Variants in PMS1 observed in about 807,000 individuals in gnomAD.
The protein encoded by PMS1 is PMS1 protein homolog 1.
Under a neutral mutation model 93.1 loss-of-function variants are expected in PMS1, and 79 were observed. That is an observed-to-expected ratio of 0.85 (90% CI 0.71 to 1.02). PMS1 has a LOEUF of 1.02. Ranked by LOEUF, PMS1 falls within the 50% of genes least tolerant of loss-of-function variation. The pLI is 0.00. For synonymous variants in PMS1, 335 were observed against 363.4 expected, an observed-to-expected ratio of 0.92 and a Z score of 0.89; for missense variants, 1,064 against 1,085.3, an observed-to-expected ratio of 0.98 and a Z score of 0.28.
chr2:189,816,829 C>G (rs898496286), intron 4 of PMS1, among the ~76,000 whole-genome samples: 20 of 152,094 alleles, frequency 1.3e-4, no homozygotes, highest in Admixed American at 6.6e-4. Flanking sequence ...TTGACTGATT[C>G]ACGGTAATAA....
At chr2:189,823,048 A>T (rs1020964888) in intron 5 of PMS1, among the ~76,000 whole-genome samples, 21 of 152,104 alleles carry the variant, frequency 1.4e-4, no homozygotes, top group African/African-American at 5.1e-4. Context: ...AATGAATATT[A>T]TAAAGGGGAT....
intron 4 of PMS1, among the ~76,000 whole-genome samples, chr2:189,809,919 G>A (rs2050687218): frequency 6.6e-6 from 1 of 152,226 alleles, no homozygotes; most frequent in Admixed American, 6.5e-5. Flanking sequence ...TAGGTATAAT[G>A]TGGTCTTAGA....
intron 6 of PMS1, among the ~76,000 whole-genome samples, chr2:189,844,655 A>AAAAAAC: frequency 6.6e-6 from 1 of 151,126 alleles, no homozygotes; most frequent in Admixed American, 6.6e-5. Context: ...AAAAAAAAAA[A>AAAAAAC]AAAAAAAACT....
chr2:189,804,896 TTTTG>T (rs2106273332), intron 3 of PMS1, among the ~76,000 whole-genome samples: 1 of 152,246 alleles, frequency 6.6e-6, no homozygotes, highest in East Asian at 1.9e-4. Flanking sequence ...CCCACTTTTT[TTTTG>T]TTTTTTTTCT....
Position 189,864,091 on chromosome 2 carries a change from A to G in PMS1, c.2205A>G (p.Ala735=). 6.2e-7 allele frequency: 1 copy of G among 1,613,808 alleles called. No individual in the cohort carries two copies. Among genetic ancestry groups the G allele is most frequent in the Non-Finnish European group, 8.5e-7 (1 of 1,179,782 alleles). ...TCCACAATCTCAGGTTTCCTGATGC[A>G]TGGCTAATGACATCCAAAACAGAGG... ...CLIHNLRFPD[A]WLMTSKTEVM... is the part of the protein sequence containing the mutation. Residue 735 remains alanine, a synonymous_variant, in exon 10 of 13, where the codon GCA becomes GCG. Transcript: ENST00000441310.
chr2:189,857,411 G>A (rs906168246), intron 9 of PMS1: 26 of 455,940 alleles, frequency 5.7e-5, no homozygotes, highest in South Asian at 3.1e-4. Context: ...AGAAGGTAGA[G>A]CAAAAATGAT....
At chr2:189,876,469 G>A (rs1290269632) in intron 12 of PMS1, among the ~76,000 whole-genome samples, 1 of 152,086 alleles carries the variant, frequency 6.6e-6, no homozygotes, top group African/African-American at 2.4e-5. Context: ...AGGGTGATCT[G>A]GCCTCTGCCT....
intron 1 of PMS1, among the ~76,000 whole-genome samples, chr2:189,785,935 G>C (rs1000377268): frequency 1.3e-5 from 2 of 152,118 alleles, no homozygotes; most frequent in Non-Finnish European, 2.9e-5. Flanking sequence ...GACCAGCCTG[G>C]CCAACATGGT....
At chr2:189,852,092 G>C (rs1298175980) in intron 6 of PMS1, among the ~76,000 whole-genome samples, 5 of 151,884 alleles carry the variant, frequency 3.3e-5, no homozygotes, top group Non-Finnish European at 7.4e-5. Flanking sequence ...AGAGTTTTCT[G>C]AACAAAAATG....
chr2:189,791,905 CT>C lies in PMS1; in HGVS notation c.98del (p.Leu33TrpfsTer8). The part of the protein sequence containing the change: ...SVVKELIENS[L>X]DAGATSVDVK... ...TTGTAAAAGAGCTTATTGAAAACTC[CT>C]TGGATGCTGGTGCCACAAGCGTAGA... On this transcript the variant is annotated frameshift_variant, in exon 2 of 13. Transcript: ENST00000441310. LOFTEE classifies it high-confidence loss of function. The C allele has an allele frequency of 6.2e-7, 1 of 1,613,960 alleles. No homozygotes were observed.
At chr2:189,830,622 T>C (rs1055496654) in intron 5 of PMS1, among the ~76,000 whole-genome samples, 2 of 152,204 alleles carry the variant, frequency 1.3e-5, no homozygotes, top group East Asian at 1.9e-4. Context: ...GGACTTTGGC[T>C]CTTTTTTCAC....
intron 10 of PMS1, among the ~76,000 whole-genome samples, chr2:189,865,142 A>G (rs1226671871): frequency 1.3e-5 from 2 of 152,072 alleles, no homozygotes; most frequent in African/African-American, 4.8e-5. Context: ...TTAAATAATA[A>G]TAATTCCTTG....
At position 189,855,040 on chromosome 2, in the gene PMS1, C is replaced by G; in HGVS notation, c.1768C>G (p.Leu590Val). The G allele has an allele frequency of 6.2e-7, 1 of 1,613,044 alleles. No homozygotes were observed. Among genetic ancestry groups the G allele is most frequent in the Non-Finnish European group, 8.5e-7 (1 of 1,179,140 alleles). The change falls in exon 9 of 13, where the codon CTC becomes GTC. Residue 590 changes from leucine to valine, a missense_variant. Physicochemically the swap from Leu to Val is conservative, Grantham distance 32 (BLOSUM62 1). Coordinates refer to ENST00000441310, the MANE Select transcript of PMS1 (RefSeq NM_000534.5). ...TGTTCAAGATCATCGTCCTCAGTTT[C>G]TCATAGAAAATCCTAAGACTAGTTT... ...LFVQDHRPQFLIENPKTSLED... is the reference protein window; with the variant it reads ...LFVQDHRPQFVIENPKTSLED...
chr2:189,839,754 G>T, intron 5 of PMS1, among the ~76,000 whole-genome samples: 1 of 152,110 alleles, frequency 6.6e-6, no homozygotes, highest in East Asian at 1.9e-4. Context: ...CTCCTTTAGA[G>T]CTGGGACCTT....
At chr2:189,834,588 G>A (rs1052124404) in intron 5 of PMS1, among the ~76,000 whole-genome samples, 5 of 152,286 alleles carry the variant, frequency 3.3e-5, no homozygotes, top group South Asian at 2.1e-4. Context: ...AAATATTTCC[G>A]ATGTAAATAA....
Position 189,854,605 on chromosome 2 carries a change from T to C in PMS1, c.1333T>C (p.Ser445Pro), listed in dbSNP as rs373224158. ...TCAGGACATTTCAATGAGTAATGTA[T>C]CATGGGAGAACTCTCAGACGGAATA... ...AFQDISMSNV[S>P]WENSQTEYSK... The change falls in exon 9 of 13, where the codon TCA becomes CCA. Residue 445 changes from serine to proline, a missense_variant. Physicochemically the swap from Ser to Pro is moderately conservative, Grantham distance 74. Coordinates refer to ENST00000441310, the MANE Select transcript of PMS1 (RefSeq NM_000534.5). The C allele has an allele frequency of 3.7e-6, 6 of 1,613,738 alleles. No individual in the cohort carries two copies. Among genetic ancestry groups the C allele is most frequent in the Non-Finnish European group, 5.1e-6 (6 of 1,179,842 alleles).
chr2:189,863,958 G>A lies in PMS1; in HGVS notation c.2072G>A (p.Ser691Asn). The A allele has an allele frequency of 1.2e-6, 2 of 1,609,532 alleles. No homozygotes were observed. Among genetic ancestry groups the A allele is most frequent in the Non-Finnish European group, 1.7e-6 (2 of 1,177,094 alleles). Residue 691 changes from serine (S) to asparagine (N), a missense_variant, in exon 10 of 13, where the codon AGT (serine) becomes AAT (asparagine). Transcript: ENST00000441310. ...LLQSQIEKRR[S>N]QNIKMVQIPF... The stretch of plus-strand genomic sequence containing the variant: ...CAGTCCCAAATTGAAAAAAGAAGGA[G>A]TCAAAATATTAAAATGGTACAGATC...
At chr2:189,806,380 T>A (rs750553475) in intron 4 of PMS1, 2 of 307,940 alleles carry the variant, frequency 6.5e-6, no homozygotes, top group South Asian at 6.9e-5. Context: ...TTAATTGATA[T>A]CTTATGTTTT....
intron 4 of PMS1, among the ~76,000 whole-genome samples, chr2:189,814,601 C>A (rs1052816059): frequency 2.6e-5 from 4 of 151,984 alleles, no homozygotes; most frequent in African/African-American, 9.7e-5. Flanking sequence ...TTGTTAAATG[C>A]CTACAGATTA....
Sources: allele counts gnomAD v4.1 joint callset (sites outside exome capture counted in the v4.1 genomes callset), GRCh38; gene constraint gnomAD v4.1.1; transcripts MANE v1.5; gene names NCBI Gene and HGNC (gene_info 2026-07-23, HGNC 2026-07-21).